Variants in ANKRD62 observed in about 807,000 individuals in gnomAD.
ANKRD62 encodes ankyrin repeat domain-containing protein 62.
ANKRD62 carries 61 observed loss-of-function variants against 98.8 expected under a neutral mutation model. The ratio of observed to expected loss-of-function variants is 0.62; its 90% CI spans 0.50 to 0.76. The LOEUF is 0.76. ANKRD62 is among the 30% of genes least tolerant of loss of function. The pLI is 0.00. For synonymous variants in ANKRD62, 341 were observed against 367.9 expected (o/e 0.93, Z 0.84); for missense variants, 933 against 1,082.9 (o/e 0.86, Z 1.94).
the ANKRD62 span, among the ~76,000 whole-genome samples, chr18:12,139,948 A>C: frequency 0.21 from 31,209 of 152,116 alleles, 3,620 homozygotes; most frequent in Middle Eastern, 0.29. Context: ...GTGTTTTCCA[A>C]CTTGGTTCCA....
chr18:12,135,538 C>T, the ANKRD62 span, among the ~76,000 whole-genome samples: 8 of 151,106 alleles, frequency 5.3e-5, no homozygotes, highest in Non-Finnish European at 7.4e-5. Flanking sequence ...CATGATTTAT[C>T]GTCCTTTGGG....
In ANKRD62 at chr18:12,126,363, A is replaced by G. The variant is rs1909894077; in HGVS notation, c.2542A>G (p.Lys848Glu). The G allele has an allele frequency of 1.3e-6, 2 of 1,509,714 alleles. No individual in the cohort carries two copies. 93.5% of individuals were successfully genotyped at this position (1,509,714 alleles called of 1,614,324 possible). A position where few individuals can be genotyped will look rare whatever the true frequency, so the allele number is the denominator to read the frequency against. The part of the protein sequence containing the change: ...LLKERQCQYE[K>E]EKEEREVVRR... ...AAAAGAAAGACAATGCCAATATGAA[A>G]AAGAGAAAGAAGAAAGAGAAGTAAG... The change falls in exon 13 of 14, where the codon AAA becomes GAA. Residue 848 changes from lysine (K) to glutamate (E), a missense_variant. Physicochemically the swap from Lys to Glu is moderately conservative, Grantham distance 56. Transcript: ENST00000587848.
downstream of ANKRD62, among the ~76,000 whole-genome samples, chr18:12,131,297 G>A (rs1433868716): frequency 6.6e-6 from 1 of 152,180 alleles, no homozygotes; most frequent in Non-Finnish European, 1.5e-5. Context: ...ATGAAGGTAT[G>A]TTGCCAAAAA....
At chr18:12,160,217 T>A in the ANKRD62 span, among the ~76,000 whole-genome samples, 1,691 of 152,324 alleles carry the variant, frequency 0.011, 30 homozygotes, top group African/African-American at 0.039. Flanking sequence ...TATATTCCCT[T>A]GATCAATGTC....
chr18:12,106,166 C>T (rs1234712593), intron 7 of ANKRD62, among the ~76,000 whole-genome samples: 1 of 152,182 alleles, frequency 6.6e-6, no homozygotes, highest in Non-Finnish European at 1.5e-5. Flanking sequence ...ATATAGATAT[C>T]TCCACCTATT....
intron 6 of ANKRD62, chr18:12,102,070 A>T: frequency 7.3e-7 from 1 of 1,378,216 alleles, no homozygotes; most frequent in Non-Finnish European, 1.0e-6. Context: ...AGCAAAGGTT[A>T]AAGCTGAAAG....
the ANKRD62 span, among the ~76,000 whole-genome samples, chr18:12,174,766 A>T: frequency 0.6 from 88,008 of 147,584 alleles, 26,016 homozygotes; most frequent in Middle Eastern, 0.74. Flanking sequence ...TATGGGCCCA[A>T]TGTTCAGCTC....
Position 12,125,868 on chromosome 18 carries a change from A to C in ANKRD62, c.2047A>C (p.Ser683Arg). The change falls in exon 13 of 14, where the codon AGC becomes CGC. Residue 683 changes from serine to arginine, a missense_variant. By Grantham distance (110) the Ser-to-Arg change is moderately radical. Around this residue, in one of 3 missense-constraint regions of ANKRD62, gnomAD observed 362 missense variants for 434.5 expected, o/e 0.83. Coordinates refer to ENST00000587848, the MANE Select transcript of ANKRD62 (RefSeq NM_001277333.2). Reference protein sequence around the residue: ...SKRDLQLAFQSTVNEWCHLQE... With the variant: ...SKRDLQLAFQRTVNEWCHLQE... ...AAGAGACCTACAGCTTGCTTTCCAG[A>C]GCACAGTGAATGAATGGTGTCATTT... 2.6e-6 allele frequency: 4 copies of C among 1,546,356 alleles called. No individual in the cohort carries two copies. Among genetic ancestry groups the C allele is most frequent in the Non-Finnish European group, 3.5e-6 (4 of 1,147,310 alleles).
At chr18:12,178,782 GAGA>G in the ANKRD62 span, among the ~76,000 whole-genome samples, 1 of 105,984 alleles carries the variant, frequency 9.4e-6, no homozygotes, top group Non-Finnish European at 1.9e-5. Flanking sequence ...TTTGAGACTG[GAGA>G]AGTGTGTGCT....
At chr18:12,152,389 G>A in the ANKRD62 span, among the ~76,000 whole-genome samples, 2 of 152,102 alleles carry the variant, frequency 1.3e-5, no homozygotes, top group Non-Finnish European at 1.5e-5. Context: ...AATCCACCAC[G>A]ATCAAGTAGG....
chr18:12,171,050 C>T, the ANKRD62 span, among the ~76,000 whole-genome samples: 26 of 150,618 alleles, frequency 1.7e-4, no homozygotes, highest in Middle Eastern at 3.4e-3. Flanking sequence ...TGAGATGAGT[C>T]TTCTGAATAC....
chr18:12,125,680 G>C lies in ANKRD62; in HGVS notation c.1859G>C (p.Arg620Pro). 1 of 1,537,338 alleles carries C rather than the reference G, an allele frequency of 6.5e-7. No individual in the cohort carries two copies. ...NEEALTKTIT[R>P]YSKELNVLMD... Reference sequence around the variant, plus strand: ...GAAGCATTAACAAAAACAATAACCCGGTATAGTAAAGAGCTTAATGTTCTG... The same window carrying C: ...GAAGCATTAACAAAAACAATAACCCCGTATAGTAAAGAGCTTAATGTTCTG... The change falls in exon 13 of 14, where the codon CGG becomes CCG. Residue 620 changes from arginine (R) to proline (P), a missense_variant. Physicochemically the swap from Arg to Pro is moderately radical, Grantham distance 103. Transcript: ENST00000587848.
At position 12,125,946 on chromosome 18, in the gene ANKRD62, G is replaced by A; in HGVS notation, c.2125G>A (p.Ala709Thr). 6.5e-7 allele frequency: 1 copy of A among 1,538,162 alleles called. No individual in the cohort carries two copies. Among genetic ancestry groups the A allele is most frequent in the Non-Finnish European group, 8.7e-7 (1 of 1,146,922 alleles). ...GATTCTTTCTCAGCAACTTTCTAAA[G>A]CTGAGAGTACATCCAGTGGCCTGGA... ...IQILSQQLSK[A>T]ESTSSGLETE... The change falls in exon 13 of 14, where the codon GCT becomes ACT. Residue 709 changes from alanine to threonine, a missense_variant. Around this residue, in one of 3 missense-constraint regions of ANKRD62, gnomAD observed 362 missense variants for 434.5 expected, o/e 0.83. Transcript: ENST00000587848.
chr18:12,136,483 C>T, the ANKRD62 span, among the ~76,000 whole-genome samples: 1 of 152,192 alleles, frequency 6.6e-6, no homozygotes, highest in Non-Finnish European at 1.5e-5. Context: ...GGCCTGATGC[C>T]TCCAGCTTTG....
chr18:12,179,857 C>T, the ANKRD62 span, among the ~76,000 whole-genome samples: 1 of 98,582 alleles, frequency 1.0e-5, no homozygotes, highest in African/African-American at 4.4e-5. Context: ...TATCTTGCCA[C>T]CACCCAGGAT....
the ANKRD62 span, among the ~76,000 whole-genome samples, chr18:12,135,005 C>G: frequency 6.6e-6 from 1 of 151,904 alleles, no homozygotes; most frequent in South Asian, 2.1e-4. Flanking sequence ...TAAAAGTGTT[C>G]CTATTTTTCC....
At chr18:12,181,475 A>G in the ANKRD62 span, among the ~76,000 whole-genome samples, 1 of 152,208 alleles carries the variant, frequency 6.6e-6, no homozygotes, top group Admixed American at 6.5e-5. Context: ...CTGCTTAAAA[A>G]CCAGATAAGA....
chr18:12,135,168 A>C, the ANKRD62 span, among the ~76,000 whole-genome samples: 2 of 145,766 alleles, frequency 1.4e-5, no homozygotes, highest in Non-Finnish European at 1.5e-5. Context: ...CATTAGGTAT[A>C]TCTCCTAATG....
At chr18:12,140,647 G>A in the ANKRD62 span, among the ~76,000 whole-genome samples, 1 of 152,178 alleles carries the variant, frequency 6.6e-6, no homozygotes, top group African/African-American at 2.4e-5. Context: ...CAGCAGCGGT[G>A]GCTGCACAAC....
Sources: gnomAD v4.1 joint callset for allele counts (sites outside exome capture counted in the v4.1 genomes callset) on GRCh38, gnomAD v4.1.1 for gene constraint, gnomAD v4.1.1 regional missense constraint, MANE v1.5 for transcripts, NCBI Gene and HGNC (gene_info 2026-07-23, HGNC 2026-07-21) for gene names.